Variants in PCP4L1 observed in about 807,000 individuals in gnomAD.
PCP4L1 encodes Purkinje cell protein 4-like protein 1.
PCP4L1 carries 9 observed loss-of-function variants against 9.6 expected under a neutral mutation model. The ratio of observed to expected loss-of-function variants is 0.94; its 90% CI spans 0.57 to 1.64. The LOEUF is 1.64. Among genes scored for constraint, PCP4L1 ranks in the 40% most tolerant of loss-of-function variants. The probability of loss-of-function intolerance (pLI) is 0.00; values close to 1 mark genes in which losing one functional copy is unlikely to be tolerated. For missense variants in PCP4L1, 81 were observed against 80.8 expected (o/e 1.00, Z -0.01); for synonymous variants, 31 against 28.2 (o/e 1.10, Z -0.31).
chr1:161,261,510 C>G (rs965089060), intron 1 of PCP4L1, among the ~76,000 whole-genome samples: 15 of 152,260 alleles, frequency 9.9e-5, no homozygotes, highest in African/African-American at 3.1e-4. Flanking sequence ...GGATCACACT[C>G]TATCTCCTGT....
At chr1:161,262,249 ATGGTGAAACCCCATC>A (rs1158979743) in intron 1 of PCP4L1, among the ~76,000 whole-genome samples, 1 of 152,014 alleles carries the variant, frequency 6.6e-6, no homozygotes, top group Non-Finnish European at 1.5e-5. Context: ...CCTGGCTAAC[ATGGTGAAACCCCATC>A]TCTACTAAAA....
rs188412425 is a variant in PCP4L1 at position 161,280,047 on chromosome 1, C to T, written c.10-3621C>T. Among the ~76,000 whole-genome samples, 57 of 152,290 alleles carry T rather than the reference C, an allele frequency of 3.7e-4. No individual in the cohort carries two copies. The Middle Eastern group carries it at 0.01, about 27-fold the overall frequency. Reference sequence around the variant, plus strand: ...AGTCTCACTTCAAATTCATGACCTCCTGCCTTATGAGGGGCCTTAATGTCT... The same window carrying T: ...AGTCTCACTTCAAATTCATGACCTCTTGCCTTATGAGGGGCCTTAATGTCT... On this transcript the variant is annotated intron_variant, in intron 1 of 2. Coordinates refer to ENST00000504449, the MANE Select transcript of PCP4L1 (RefSeq NM_001102566.2).
intron 1 of PCP4L1, among the ~76,000 whole-genome samples, chr1:161,271,157 C>A (rs1669619120): frequency 6.6e-6 from 1 of 152,126 alleles, no homozygotes; most frequent in South Asian, 2.1e-4. Flanking sequence ...GTAGCTATAC[C>A]ATCTTGCATT....
chr1:161,281,867 G>GT, intron 1 of PCP4L1, among the ~76,000 whole-genome samples: 1 of 150,394 alleles, frequency 6.6e-6, no homozygotes, highest in Non-Finnish European at 1.5e-5. Context: ...CAGACGATGG[G>GT]TGGCCGGGCA....
At chr1:161,264,202 C>A in intron 1 of PCP4L1, among the ~76,000 whole-genome samples, 1 of 151,754 alleles carries the variant, frequency 6.6e-6, no homozygotes, top group Non-Finnish European at 1.5e-5. Flanking sequence ...CATGAGCCAC[C>A]ATGCCTAGCC....
In PCP4L1 at chr1:161,284,807, G is replaced by A. The variant is rs779957858; in HGVS notation, c.*326G>A. The A allele has an allele frequency of 5.1e-5, 15 of 295,160 alleles. No individual in the cohort carries two copies. The highest frequency in any genetic ancestry group is 1.3e-4 in the Admixed American group (3 of 22,332). 18.3% of individuals were successfully genotyped at this position (295,160 alleles called of 1,614,324 possible). A position where few individuals can be genotyped will look rare whatever the true frequency, so the allele number is the denominator to read the frequency against. ...GAGAGATCTCCCCAAAGAACAATGTGGGAAGGAGGGGAAGGCTTTCAGAGT... is the reference window on the plus strand; with the variant it reads ...GAGAGATCTCCCCAAAGAACAATGTAGGAAGGAGGGGAAGGCTTTCAGAGT... On this transcript the variant is annotated 3_prime_UTR_variant, in exon 3 of 3. Transcript: ENST00000504449.
At chr1:161,282,006 A>G (rs541203996) in intron 1 of PCP4L1, among the ~76,000 whole-genome samples, 1 of 152,292 alleles carries the variant, frequency 6.6e-6, no homozygotes, top group South Asian at 2.1e-4. Context: ...AGAGGCTGCA[A>G]TCTCGGCACT....
In PCP4L1 at chr1:161,258,794, G is replaced by A. The variant is rs948510712; in HGVS notation, c.-181G>A. 19 of 981,772 alleles carry A rather than the reference G, an allele frequency of 1.9e-5. No homozygotes were observed. Among genetic ancestry groups the A allele is most frequent in the Non-Finnish European group, 2.6e-5 (17 of 657,734 alleles). 60.8% of individuals were successfully genotyped at this position (981,772 alleles called of 1,614,324 possible). ...CAGGGGGTCGCCTGGCCGGAGCTGGGCTCCGAGAATCCCGGGTGCCAGCAC... is the reference window on the plus strand; with the variant it reads ...CAGGGGGTCGCCTGGCCGGAGCTGGACTCCGAGAATCCCGGGTGCCAGCAC... On this transcript the variant is annotated 5_prime_UTR_variant, in exon 1 of 3. Transcript: ENST00000504449.
At chr1:161,274,634 G>A (rs12568100) in intron 1 of PCP4L1, among the ~76,000 whole-genome samples, 5,745 of 152,226 alleles carry the variant, frequency 0.038, 289 homozygotes, top group East Asian at 0.27. Context: ...AAATTGCTGC[G>A]TTTCTGGAAG....
chr1:161,271,341 A>G (rs748068683), intron 1 of PCP4L1, among the ~76,000 whole-genome samples: 1 of 152,174 alleles, frequency 6.6e-6, no homozygotes, highest in Admixed American at 6.5e-5. Context: ...TCATCCATGT[A>G]TCTTCTTTGG....
intron 1 of PCP4L1, 149 bp from the exon 2 acceptor site, chr1:161,283,519 G>T: frequency 1.5e-6 from 1 of 667,110 alleles, no homozygotes; most frequent in Non-Finnish European, 2.5e-6. Context: ...TTTTCCTCTG[G>T]TCTCTGATCT....
At chr1:161,269,622 G>A (rs1669588886) in intron 1 of PCP4L1, among the ~76,000 whole-genome samples, 1 of 152,216 alleles carries the variant, frequency 6.6e-6, no homozygotes, top group African/African-American at 2.4e-5. Flanking sequence ...AAGGTCCTGA[G>A]GTGGGAAGGA....
At chr1:161,281,788 G>A (rs1284022182) in intron 1 of PCP4L1, among the ~76,000 whole-genome samples, 1 of 26,272 alleles carries the variant, frequency 3.8e-5, no homozygotes, top group African/African-American at 3.8e-4. Flanking sequence ...CATCCCGGAC[G>A]GGGCGGCGGG....
chr1:161,268,536 T>C (rs1669571732), intron 1 of PCP4L1, among the ~76,000 whole-genome samples: 1 of 150,916 alleles, frequency 6.6e-6, no homozygotes, highest in East Asian at 1.9e-4. Context: ...TACATTTTTC[T>C]CTGGTTCCTT....
intron 1 of PCP4L1, among the ~76,000 whole-genome samples, chr1:161,276,559 TAGTCCCAGCTACCTGC>T (rs1274263644): frequency 1.3e-5 from 2 of 151,916 alleles, no homozygotes; most frequent in African/African-American, 4.8e-5. Context: ...GGTGTGCCTG[TAGTCCCAGCTACCTGC>T]AAGGCTGAGG....
chr1:161,262,029 C>A (rs1386664363), intron 1 of PCP4L1, among the ~76,000 whole-genome samples: 1 of 152,182 alleles, frequency 6.6e-6, no homozygotes, highest in Non-Finnish European at 1.5e-5. Context: ...GTTAGGGAAC[C>A]TGGTGTGGAC....
chr1:161,275,704 T>G (rs1016759000), intron 1 of PCP4L1, among the ~76,000 whole-genome samples: 2 of 151,906 alleles, frequency 1.3e-5, no homozygotes, highest in African/African-American at 2.4e-5. Flanking sequence ...TCAGAGATCA[T>G]GAGACTATAG....
chr1:161,275,671 A>G (rs895025093), intron 1 of PCP4L1, among the ~76,000 whole-genome samples: 2 of 152,156 alleles, frequency 1.3e-5, no homozygotes, highest in Non-Finnish European at 2.9e-5. Flanking sequence ...ATTTACTGGC[A>G]AAAGAGAGCA....
intron 1 of PCP4L1, among the ~76,000 whole-genome samples, chr1:161,275,515 CAAA>C (rs11302998): frequency 8.7e-5 from 8 of 91,858 alleles, no homozygotes; most frequent in Non-Finnish European, 1.1e-4. Context: ...GACTCCGTCT[CAAA>C]AAAAAAAAAA....
Sources: gnomAD v4.1 joint callset for allele counts (sites outside exome capture counted in the v4.1 genomes callset) on GRCh38, gnomAD v4.1.1 for gene constraint, MANE v1.5 for transcripts, NCBI Gene and HGNC (gene_info 2026-07-23, HGNC 2026-07-21) for gene names.